CFAP300: variants seen among roughly 807,000 people sequenced by gnomAD.
CFAP300 encodes the protein cilia and flagella associated protein 300.
Under a neutral mutation model 33.0 loss-of-function variants are expected in CFAP300, and 32 were observed. The ratio of observed to expected loss-of-function variants is 0.97; its 90% CI spans 0.73 to 1.30. The LOEUF (loss-of-function observed/expected upper bound fraction) is 1.30, where lower values mean the gene tolerates loss of function less well. Ranked by LOEUF, CFAP300 falls within the 50% of genes most tolerant of loss-of-function variation. The pLI, the probability that CFAP300 is intolerant of heterozygous loss-of-function variation, is 0.00. For synonymous variants in CFAP300, 102 were observed against 106.8 expected (o/e 0.95, Z 0.28); for missense variants, 356 against 318.1 (o/e 1.12, Z -0.90).
chr11:102,069,771 C>G (rs866541833), intron 4 of CFAP300, among the ~76,000 whole-genome samples: 2 of 152,030 alleles, frequency 1.3e-5, no homozygotes, highest in Non-Finnish European at 2.9e-5. Flanking sequence ...CCACTGCACT[C>G]CAGCCTGGGT....
At chr11:102,075,848 A>C in intron 4 of CFAP300, 25 bp from the exon 5 acceptor site, 3 of 1,538,080 alleles carry the variant, frequency 2.0e-6, no homozygotes, top group Non-Finnish European at 1.8e-6. Context: ...GTTATGTTAC[A>C]TTAAGATGAA....
intron 4 of CFAP300, among the ~76,000 whole-genome samples, chr11:102,068,423 A>G (rs1942259814): frequency 6.6e-6 from 1 of 152,228 alleles, no homozygotes. Flanking sequence ...ACCCAAATAC[A>G]CACAATTGAA....
intron 6 of CFAP300, among the ~76,000 whole-genome samples, chr11:102,081,615 G>A (rs141820526): frequency 0.015 from 2,350 of 152,168 alleles, 25 homozygotes; most frequent in Middle Eastern, 0.054. Context: ...CACAAATGTC[G>A]CCGGGCCCGG....
Position 102,047,441 on chromosome 11 carries a change from G to A in CFAP300, c.-30G>A, listed in dbSNP as rs781589555. On this transcript the variant is annotated 5_prime_UTR_variant, in exon 1 of 7. Transcript: ENST00000434758. ...ACGGCCGCCGCGTCTCCATGGAAAC[G>A]GCCCAGGCATCCACCCAGCCGAGAG... The A allele has an allele frequency of 2.1e-5, 32 of 1,516,176 alleles. No individual in the cohort carries two copies. The African/African-American group carries it at 4.1e-4, about 20-fold the overall frequency. The allele number at this position is 1,516,176 out of a possible 1,614,324, so 93.9% of individuals were successfully genotyped here.
At chr11:102,049,247 C>A (rs559524890) in intron 2 of CFAP300, among the ~76,000 whole-genome samples, 1 of 152,306 alleles carries the variant, frequency 6.6e-6, no homozygotes, top group South Asian at 2.1e-4. Context: ...TGGCGGTTGC[C>A]ACCCTCCCTT....
intron 5 of CFAP300, among the ~76,000 whole-genome samples, chr11:102,079,074 C>G (rs1159737148): frequency 6.6e-6 from 1 of 152,140 alleles, no homozygotes; most frequent in Non-Finnish European, 1.5e-5. Context: ...ACTAAATTTT[C>G]CTCTAAACTG....
intron 5 of CFAP300, among the ~76,000 whole-genome samples, chr11:102,076,419 A>G (rs1439574447): frequency 6.6e-6 from 1 of 152,196 alleles, no homozygotes; most frequent in African/African-American, 2.4e-5. Context: ...AGTAAAAACA[A>G]TTATTACCTT....
At chr11:102,049,275 A>G (rs2135008530) in intron 2 of CFAP300, among the ~76,000 whole-genome samples, 1 of 152,290 alleles carries the variant, frequency 6.6e-6, no homozygotes, top group East Asian at 1.9e-4. Context: ...TTTAGTTTGC[A>G]GCTGCAGAAC....
Position 102,083,132 on chromosome 11 carries a change from T to C in CFAP300, c.737T>C (p.Ile246Thr), listed in dbSNP as rs778601295. 2.6e-5 allele frequency: 41 copies of C among 1,570,270 alleles called. No homozygotes were observed. Among genetic ancestry groups the C allele is most frequent in the Middle Eastern group, 3.4e-4 (2 of 5,914 alleles). The change falls in exon 7 of 7, where the codon ATT (isoleucine) becomes ACT (threonine). Residue 246 changes from isoleucine (I) to threonine (T), a missense_variant. Ile to Thr is a moderately conservative substitution (Grantham distance 89, BLOSUM62 -1). Transcript: ENST00000434758. ...KNHEQTFSYF[I>T]VDPIRRHLHV... Reference sequence around the variant, plus strand: ...CATGAACAGACATTTTCTTACTTTATTGTGGATCCTATCAGGCGTCACCTT... The same window carrying C: ...CATGAACAGACATTTTCTTACTTTACTGTGGATCCTATCAGGCGTCACCTT...
chr11:102,077,847 T>C (rs1318436313), intron 5 of CFAP300, among the ~76,000 whole-genome samples: 2 of 152,190 alleles, frequency 1.3e-5, no homozygotes, highest in African/African-American at 4.8e-5. Context: ...AGTTCTGGGA[T>C]CACAGGCGTG....
rs373665212 is a variant in CFAP300 at position 102,057,258 on chromosome 11, G to C, written c.193-1622G>C. Among the ~76,000 whole-genome samples, 50 of 150,922 alleles carry C rather than the reference G, an allele frequency of 3.3e-4. No homozygotes were observed. In the South Asian group the frequency reaches 0.01, roughly 31 times the overall value. ...GGAGACTGAGACAGGAAAATCGCTT[G>C]AACCCGGGAGGCAGAGGTTGCAGTA... is the stretch of plus-strand genomic sequence containing the variant. On this transcript the variant is annotated intron_variant, in intron 2 of 6. Transcript: ENST00000434758.
rs774795579 is a variant in CFAP300, at chr11:102,047,520, T to C, written c.50T>C (p.Leu17Ser). 5.3e-5 allele frequency: 82 copies of C among 1,535,928 alleles called. No homozygotes were observed. The highest frequency in any genetic ancestry group is 6.8e-5 in the Non-Finnish European group (78 of 1,146,824). ...GDLGGYYFRF[L>S]PQKTFQSLSS... ...TTGGGTGGCTACTACTTCAGGTTCT[T>C]GCCTCAGAAAACCTTCCAGTCTCTG... The change falls in exon 1 of 7, where the codon TTG becomes TCG. Residue 17 changes from leucine to serine, a missense_variant. By Grantham distance (145) the Leu-to-Ser change is moderately radical. Coordinates refer to ENST00000434758, the MANE Select transcript of CFAP300 (RefSeq NM_032930.3).
intron 2 of CFAP300, among the ~76,000 whole-genome samples, chr11:102,051,755 C>T (rs1449788903): frequency 1.3e-5 from 2 of 152,044 alleles, no homozygotes; most frequent in Admixed American, 6.6e-5. Flanking sequence ...CACTATGTTG[C>T]CCGGGCTGGT....
intron 6 of CFAP300, 83 bp from the exon 7 acceptor site, chr11:102,082,988 C>T: frequency 3.9e-6 from 3 of 771,056 alleles, no homozygotes; most frequent in Non-Finnish European, 5.0e-6. Context: ...CGGAGCAAGA[C>T]TCTGTCTCAA....
intron 4 of CFAP300, among the ~76,000 whole-genome samples, chr11:102,069,394 T>C (rs777301019): frequency 6.6e-6 from 1 of 152,182 alleles, no homozygotes; most frequent in Non-Finnish European, 1.5e-5. Flanking sequence ...GTGTGACCTC[T>C]AAGAGCTACG....
chr11:102,056,604 T>G (rs1942060299), intron 2 of CFAP300, among the ~76,000 whole-genome samples: 1 of 151,852 alleles, frequency 6.6e-6, no homozygotes, highest in Non-Finnish European at 1.5e-5. Flanking sequence ...TTTTTGTTTG[T>G]TTGTTTGTTT....
intron 5 of CFAP300, 66 bp from the exon 6 acceptor site, chr11:102,081,149 T>C (rs1392211037): frequency 4.4e-6 from 5 of 1,124,848 alleles, no homozygotes; most frequent in Non-Finnish European, 6.4e-6. Context: ...CTAAAAGGGA[T>C]CATTACTTAA....
rs181931596 is a variant in CFAP300 at position 102,055,818 on chromosome 11, G to T, written c.193-3062G>T. On this transcript the variant is annotated intron_variant, in intron 2 of 6. Coordinates refer to ENST00000434758, the MANE Select transcript of CFAP300 (RefSeq NM_032930.3). ...CTCCCGAGTAGCTGGGACTACAGGC[G>T]CCCGCCACCACGCCCAGATAATTTT... Among the ~76,000 whole-genome samples, 96 of 151,706 alleles carry T rather than the reference G, an allele frequency of 6.3e-4. 2 individuals are homozygous for T. In the East Asian group the frequency reaches 9.7e-3, roughly 15 times the overall value.
At chr11:102,069,831 G>A (rs1157835449) in intron 4 of CFAP300, among the ~76,000 whole-genome samples, 5 of 152,014 alleles carry the variant, frequency 3.3e-5, no homozygotes, top group Non-Finnish European at 5.9e-5. Flanking sequence ...GCTGGTCATG[G>A]TGGCGTGTAC....
Sources: gnomAD v4.1 joint callset for allele counts (sites outside exome capture counted in the v4.1 genomes callset) on GRCh38, gnomAD v4.1.1 for gene constraint, MANE v1.5 for transcripts, NCBI Gene and HGNC (gene_info 2026-07-23, HGNC 2026-07-21) for gene names.